Variants in KALRN observed in about 807,000 individuals in gnomAD.
KALRN encodes kalirin RhoGEF kinase.
Under a neutral mutation model 353.7 loss-of-function variants are expected in KALRN, and 70 were observed. The observed-to-expected ratio is 0.20, with a 90% CI of 0.16 to 0.24. The LOEUF (loss-of-function observed/expected upper bound fraction) is 0.24. Among genes scored for constraint, KALRN ranks in the 10% least tolerant of loss-of-function variants. The pLI, the probability that KALRN is intolerant of heterozygous loss-of-function variation, is 1.00. For synonymous variants in KALRN, 1,391 were observed against 1,434.8 expected (o/e 0.97, Z 0.69); for missense variants, 2,791 against 3,756.7 (o/e 0.74, Z 6.72).
intron 10 of KALRN, among the ~76,000 whole-genome samples, chr3:124,361,583 T>C (rs2084039164): frequency 6.6e-6 from 1 of 152,206 alleles, no homozygotes; most frequent in Non-Finnish European, 1.5e-5. Flanking sequence ...GGTACAGTTA[T>C]AAGTGTGTAA....
chr3:124,421,345 GA>G (rs2092771377), intron 14 of KALRN, among the ~76,000 whole-genome samples: 1 of 152,182 alleles, frequency 6.6e-6, no homozygotes, highest in African/African-American at 2.4e-5. Context: ...TGAGAAGGCA[GA>G]AAGTTGAAAG....
chr3:124,189,535 G>A (rs951324495), intron 1 of KALRN, among the ~76,000 whole-genome samples: 24 of 152,178 alleles, frequency 1.6e-4, no homozygotes, highest in African/African-American at 5.8e-4. Flanking sequence ...AAGCAAGGTG[G>A]CTCATGCCTG....
Position 124,693,789 on chromosome 3 carries a change from C to G in KALRN, c.7378-15C>G. On this transcript the variant is annotated splice_polypyrimidine_tract_variant and intron_variant, in intron 51 of 59. Transcript: ENST00000682506. ...TTAGGATTCAAGCAATTTTCTGTGT[C>G]TTTTTGTTTTTCAGATCTTAAATCC... 6.5e-7 allele frequency: 1 copy of G among 1,536,560 alleles called. No homozygotes were observed. Among genetic ancestry groups the G allele is most frequent in the Non-Finnish European group, 8.9e-7 (1 of 1,117,830 alleles).
intron 1 of KALRN, among the ~76,000 whole-genome samples, chr3:124,047,245 T>C (rs181874651): frequency 2.3e-3 from 353 of 152,306 alleles, no homozygotes; most frequent in Non-Finnish European, 3.8e-3. Context: ...GTGCCTAGTA[T>C]TATGCCAGAT....
At chr3:124,135,248 CTA>C (rs2065791605) in intron 1 of KALRN, among the ~76,000 whole-genome samples, 1 of 152,146 alleles carries the variant, frequency 6.6e-6, no homozygotes, top group African/African-American at 2.4e-5. Flanking sequence ...AGATTGGAGA[CTA>C]TTATTCTAAG....
At chr3:124,714,625 C>G (rs1190882747) in intron 58 of KALRN, among the ~76,000 whole-genome samples, 1 of 152,162 alleles carries the variant, frequency 6.6e-6, no homozygotes, top group Non-Finnish European at 1.5e-5. Context: ...TTACTGAGCC[C>G]TCGCTATGCA....
intron 1 of KALRN, among the ~76,000 whole-genome samples, chr3:124,214,535 A>G (rs1396628385): frequency 1.3e-5 from 2 of 152,124 alleles, no homozygotes; most frequent in Non-Finnish European, 2.9e-5. Flanking sequence ...TTTTCCAGGG[A>G]GCTGAAAGAG....
At chr3:124,630,380 G>GTGTGTGTTTGTT (rs1554057930) in intron 34 of KALRN, among the ~76,000 whole-genome samples, 2 of 150,082 alleles carry the variant, frequency 1.3e-5, no homozygotes, top group Admixed American at 6.6e-5. Flanking sequence ...AGGCCCAGTA[G>GTGTGTGTTTGTT]TGTTTGTTTG....
intron 1 of KALRN, among the ~76,000 whole-genome samples, chr3:124,086,355 T>TG (rs1461846599): frequency 3.4e-4 from 34 of 99,078 alleles, no homozygotes; most frequent in Admixed American, 8.3e-4. Context: ...GTGTGTGTGT[T>TG]TTTGCTGGGG....
intron 33 of KALRN, among the ~76,000 whole-genome samples, chr3:124,542,057 A>G (rs575953948): frequency 1.4e-4 from 21 of 152,328 alleles, no homozygotes; most frequent in African/African-American, 5.1e-4. Context: ...ACCTGTGGGC[A>G]CAGAATGGAC....
chr3:124,112,695 C>T (rs542753128), intron 1 of KALRN, among the ~76,000 whole-genome samples: 37 of 152,212 alleles, frequency 2.4e-4, no homozygotes, highest in African/African-American at 8.4e-4. Flanking sequence ...AGAAGTCCCC[C>T]TTCCTAGTTT....
intron 3 of KALRN, among the ~76,000 whole-genome samples, chr3:124,240,013 T>C (rs985185635): frequency 3.9e-5 from 6 of 152,250 alleles, no homozygotes; most frequent in South Asian, 2.1e-4. Flanking sequence ...TTGATTTCTT[T>C]ATCCATTTTG....
At chr3:124,141,239 C>G (rs961893170) in intron 1 of KALRN, among the ~76,000 whole-genome samples, 2 of 152,196 alleles carry the variant, frequency 1.3e-5, no homozygotes, top group Non-Finnish European at 2.9e-5. Context: ...TTCAACTCCT[C>G]TTTTCACCAT....
intron 3 of KALRN, among the ~76,000 whole-genome samples, chr3:124,241,654 C>T (rs2080458561): frequency 6.6e-6 from 1 of 152,112 alleles, no homozygotes; most frequent in Admixed American, 6.5e-5. Flanking sequence ...ATTCCATAAA[C>T]ATTTGGTTGC....
At chr3:124,629,487 A>T (rs1192711555) in intron 34 of KALRN, among the ~76,000 whole-genome samples, 1 of 152,170 alleles carries the variant, frequency 6.6e-6, no homozygotes, top group African/African-American at 2.4e-5. Context: ...TTTTCTATCC[A>T]GGTTCTCTTT....
chr3:124,696,188 G>A lies in KALRN; in HGVS notation c.7632G>A (p.Gly2544=). 1.2e-6 allele frequency: 2 copies of A among 1,613,932 alleles called. No individual in the cohort carries two copies. The highest frequency in any genetic ancestry group is 8.5e-7 in the Non-Finnish European group (1 of 1,179,800). The change falls in exon 54 of 60, where the codon GGG becomes GGA. Residue 2544 remains glycine, a synonymous_variant. Coordinates refer to ENST00000682506, the MANE Select transcript of KALRN (RefSeq NM_001388419.1). ...KICNLMPQDS[G]IYTCIATNDH... ...GTAATCTGATGCCCCAAGACAGTGG[G>A]ATTTATACCTGCATAGCAACAAATG...
chr3:124,691,835 T>C (rs2061830410), intron 51 of KALRN, among the ~76,000 whole-genome samples: 1 of 152,182 alleles, frequency 6.6e-6, no homozygotes, highest in Admixed American at 6.5e-5. Flanking sequence ...GTGGTTGATT[T>C]AATAGTTTGA....
At chr3:124,611,654 C>T (rs577708325) in intron 34 of KALRN, among the ~76,000 whole-genome samples, 7 of 152,298 alleles carry the variant, frequency 4.6e-5, no homozygotes, top group Admixed American at 1.3e-4. Flanking sequence ...TGTCACACCC[C>T]GGCCCCTTTT....
intron 33 of KALRN, among the ~76,000 whole-genome samples, chr3:124,543,418 C>T (rs1326367246): frequency 2.0e-5 from 3 of 151,906 alleles, no homozygotes; most frequent in Admixed American, 6.6e-5. Flanking sequence ...TCTCCTGCCT[C>T]AGCCTCCCGA....
Sources: allele counts gnomAD v4.1 joint callset (sites outside exome capture counted in the v4.1 genomes callset), GRCh38; gene constraint gnomAD v4.1.1; transcripts MANE v1.5; gene names NCBI Gene and HGNC (gene_info 2026-07-23, HGNC 2026-07-21).